The following MYO1E variants were observed in gnomAD, a reference collection of about 807,000 sequenced individuals.
MYO1E encodes the protein unconventional myosin-Ie.
Under a neutral mutation model 151.1 loss-of-function variants are expected in MYO1E, and 68 were observed. The ratio of observed to expected loss-of-function variants is 0.45; its 90% CI spans 0.37 to 0.55. MYO1E has a LOEUF of 0.55. Ranked by LOEUF, MYO1E falls within the 20% of genes least tolerant of loss-of-function variation. The pLI, the probability that MYO1E is intolerant of heterozygous loss-of-function variation, is 0.00. For synonymous variants in MYO1E, 601 were observed against 501.7 expected (o/e 1.20, Z -2.64); for missense variants, 1,363 against 1,389.3 (o/e 0.98, Z 0.30).
intron 14 of MYO1E, 104 bp from the exon 15 acceptor site, chr15:59,205,589 A>G (rs781287744): frequency 8.1e-6 from 9 of 1,108,558 alleles, no homozygotes; most frequent in Non-Finnish European, 1.2e-5. Flanking sequence ...ACAAAAAACC[A>G]AAGCTGTCAT....
intron 17 of MYO1E, among the ~76,000 whole-genome samples, chr15:59,192,767 G>A (rs1300195769): frequency 2.6e-5 from 4 of 152,190 alleles, no homozygotes; most frequent in African/African-American, 9.7e-5. Flanking sequence ...TTCTAAGGTT[G>A]ACTAAAGATT....
At chr15:59,155,809 C>T (rs1309993871) in intron 25 of MYO1E, among the ~76,000 whole-genome samples, 1 of 145,024 alleles carries the variant, frequency 6.9e-6, no homozygotes, top group Admixed American at 7.1e-5. Context: ...AGTGTCCATA[C>T]TTTAGCATGC....
chr15:59,289,369 A>G (rs1382223541), intron 1 of MYO1E, among the ~76,000 whole-genome samples: 1 of 152,250 alleles, frequency 6.6e-6, no homozygotes, highest in African/African-American at 2.4e-5. Context: ...TCTGGCAATC[A>G]AACTGCATGA....
intron 4 of MYO1E, among the ~76,000 whole-genome samples, chr15:59,247,012 A>C (rs1440275704): frequency 6.6e-6 from 1 of 152,172 alleles, no homozygotes; most frequent in South Asian, 2.1e-4. Context: ...CCTGGGCAAC[A>C]TAAGAAGACC....
At chr15:59,234,980 C>T (rs1047273287) in intron 5 of MYO1E, among the ~76,000 whole-genome samples, 29 of 152,222 alleles carry the variant, frequency 1.9e-4, no homozygotes, top group African/African-American at 5.8e-4. Context: ...TGGTGATGAG[C>T]GCCAAGCTTG....
At chr15:59,267,001 G>A (rs1413096203) in intron 2 of MYO1E, 1 of 139,166 alleles carries the variant, frequency 7.2e-6, no homozygotes, top group East Asian at 2.3e-4. Flanking sequence ...GCAATGCTAA[G>A]AGTTGAACTT....
At chr15:59,276,217 G>A (rs1461324584) in intron 1 of MYO1E, among the ~76,000 whole-genome samples, 1 of 152,146 alleles carries the variant, frequency 6.6e-6, no homozygotes, top group African/African-American at 2.4e-5. Context: ...CCTCATCAGT[G>A]TGAGGGCAGC....
In MYO1E at chr15:59,366,634, T is replaced by C. The variant is rs184927986; in HGVS notation, c.3+5864A>G. Among the ~76,000 whole-genome samples the C allele has an allele frequency of 2.9e-3, 447 of 152,298 alleles. 3 individuals carry two copies. Among genetic ancestry groups the C allele is most frequent in the Non-Finnish European group, 5.1e-3 (345 of 68,026 alleles). ...ATTCACATGTACAGTTTGAGTTCTA[T>C]GGGTTGTCAAAGTTCATGTCACTAT... On this transcript the variant is annotated intron_variant, in intron 1 of 27. Transcript: ENST00000288235.
At chr15:59,210,344 T>C (rs1213194043) in intron 13 of MYO1E, among the ~76,000 whole-genome samples, 170 bp downstream of exon 13, 3 of 152,014 alleles carry the variant, frequency 2.0e-5, no homozygotes, top group African/African-American at 7.3e-5. Flanking sequence ...ACTGCCAGAA[T>C]AAAGCCGTAC....
At position 59,145,027 on chromosome 15, in the gene MYO1E, G is replaced by C. The variant is rs1031768996; in HGVS notation, c.3081-6660C>G. Among the ~76,000 whole-genome samples, 3 of 152,094 alleles carry C rather than the reference G, an allele frequency of 2.0e-5. No individual in the cohort carries two copies. In the South Asian group the frequency reaches 6.2e-4, roughly 32 times the overall value. The stretch of plus-strand genomic sequence containing the variant: ...CCCGGCTAATCTTGTATTTTTAGTA[G>C]AGATGGGGTTTCTCCATGTTGGTCA... On this transcript the variant is annotated intron_variant, in intron 26 of 27. Transcript: ENST00000288235.
chr15:59,185,993 A>C (rs912125523), intron 18 of MYO1E, among the ~76,000 whole-genome samples: 6 of 152,224 alleles, frequency 3.9e-5, no homozygotes, highest in Admixed American at 6.5e-5. Flanking sequence ...TGATCTGTTT[A>C]AGGAAGTCTC....
intron 6 of MYO1E, among the ~76,000 whole-genome samples, chr15:59,228,300 G>A (rs1434464217): frequency 6.6e-6 from 1 of 152,006 alleles, no homozygotes; most frequent in Admixed American, 6.6e-5. Flanking sequence ...TGGTCAACAT[G>A]GTGAAACCCC....
chr15:59,246,519 A>G (rs1303884532), intron 4 of MYO1E, among the ~76,000 whole-genome samples: 1 of 152,184 alleles, frequency 6.6e-6, no homozygotes, highest in Non-Finnish European at 1.5e-5. Context: ...AGGCTTACTG[A>G]AAGTCATACG....
At chr15:59,231,502 C>G (rs1444653150) in intron 6 of MYO1E, among the ~76,000 whole-genome samples, 200 bp downstream of exon 6, 2 of 152,118 alleles carry the variant, frequency 1.3e-5, no homozygotes, top group African/African-American at 4.8e-5. Context: ...TCAAAATTAT[C>G]TTGTTTGTAT....
At chr15:59,160,463 C>T (rs1411919454) in intron 24 of MYO1E, among the ~76,000 whole-genome samples, 1 of 150,838 alleles carries the variant, frequency 6.6e-6, no homozygotes, top group Admixed American at 6.6e-5. Context: ...TGCAGTGGCA[C>T]CCCAGTAAAG....
intron 1 of MYO1E, among the ~76,000 whole-genome samples, chr15:59,299,292 T>G (rs141110261): frequency 6.6e-6 from 1 of 152,220 alleles, no homozygotes; most frequent in Non-Finnish European, 1.5e-5. Context: ...TTACTGGTAG[T>G]GCCCTCCAAA....
chr15:59,303,085 A>G (rs2080492698), intron 1 of MYO1E, among the ~76,000 whole-genome samples: 1 of 152,244 alleles, frequency 6.6e-6, no homozygotes, highest in Admixed American at 6.5e-5. Flanking sequence ...TGGTATTTTG[A>G]GAAGCCAGCT....
At chr15:59,308,315 C>T (rs1184452757) in intron 1 of MYO1E, among the ~76,000 whole-genome samples, 1 of 150,202 alleles carries the variant, frequency 6.7e-6, no homozygotes, top group East Asian at 2.0e-4. Context: ...GGGGGCAGAT[C>T]GCCTGAGGTC....
At chr15:59,363,523 G>A (rs1027812879) in intron 1 of MYO1E, among the ~76,000 whole-genome samples, 18 of 152,114 alleles carry the variant, frequency 1.2e-4, no homozygotes, top group Admixed American at 9.2e-4. Flanking sequence ...ACGTGGACTC[G>A]GCATTGTCAA....
Sources: allele counts gnomAD v4.1 joint callset (sites outside exome capture counted in the v4.1 genomes callset), GRCh38; gene constraint gnomAD v4.1.1; transcripts MANE v1.5; gene names NCBI Gene and HGNC (gene_info 2026-07-23, HGNC 2026-07-21).